Variants in CWH43 observed in about 807,000 individuals in gnomAD.
The protein encoded by CWH43 is cell wall biogenesis 43 C-terminal homolog, also known as PGAP2-interacting protein.
A neutral mutation model predicts 85.7 loss-of-function variants in CWH43; 91 were observed. The ratio of observed to expected loss-of-function variants is 1.06; its 90% CI spans 0.90 to 1.26. The LOEUF (loss-of-function observed/expected upper bound fraction) is 1.26. CWH43 is among the 50% of genes most tolerant of loss of function. The pLI, the probability that CWH43 is intolerant of heterozygous loss-of-function variation, is 0.00. For missense variants in CWH43, 869 were observed against 839.2 expected, an observed-to-expected ratio of 1.04 and a Z score of -0.44; for synonymous variants, 323 against 293.6, an observed-to-expected ratio of 1.10 and a Z score of -1.02.
rs1396649720 is a variant in CWH43, at chr4:49,007,252, A to G, written c.1112A>G (p.Asn371Ser). 6.2e-7 allele frequency: 1 copy of G among 1,611,866 alleles called. No individual in the cohort carries two copies. Among genetic ancestry groups the G allele is most frequent in the East Asian group, 2.2e-5 (1 of 44,744 alleles). The change falls in exon 8 of 16, where the codon AAC (asparagine) becomes AGC (serine). Residue 371 changes from asparagine (N) to serine (S), a missense_variant. Asn to Ser is a conservative substitution (Grantham distance 46). Transcript: ENST00000226432. Reference sequence around the variant, plus strand: ...AATATGCTATTTGGTCCTAAGAAAAACCTTGACTTGCTTCTTCAAACAAAA... The same window carrying G: ...AATATGCTATTTGGTCCTAAGAAAAGCCTTGACTTGCTTCTTCAAACAAAA... Reference protein sequence around the residue: ...GLNMLFGPKKNLDLLLQTKNS... With the variant: ...GLNMLFGPKKSLDLLLQTKNS...
rs1197645970 is a variant in CWH43, at chr4:49,061,970, G to T, written c.*80G>T. On this transcript the variant is annotated 3_prime_UTR_variant, in exon 16 of 16. Coordinates refer to ENST00000226432, the MANE Select transcript of CWH43 (RefSeq NM_025087.3). ...AGATAAAAAGAAGAGATTAATGAAA[G>T]TGGGAAAATACACATGAAGAACCTC... 1 of 1,101,278 alleles carries T rather than the reference G, an allele frequency of 9.1e-7. No homozygotes were observed. Among genetic ancestry groups the T allele is most frequent in the Non-Finnish European group, 1.2e-6 (1 of 843,854 alleles). The allele number at this position is 1,101,278 out of a possible 1,614,324, so 68.2% of individuals were successfully genotyped here.
At chr4:49,010,144 C>T (rs1412045118) in intron 8 of CWH43, among the ~76,000 whole-genome samples, 2 of 152,172 alleles carry the variant, frequency 1.3e-5, no homozygotes, top group Admixed American at 6.5e-5. Context: ...ATTATTGCCT[C>T]AATTTCAGAG....
intron 9 of CWH43, among the ~76,000 whole-genome samples, chr4:49,026,547 C>A (rs1483166220): frequency 6.6e-6 from 1 of 152,160 alleles, no homozygotes; most frequent in Non-Finnish European, 1.5e-5. Flanking sequence ...CCCTCCCACC[C>A]ATCCCTCCAA....
chr4:49,056,390 A>C (rs1376429027), intron 15 of CWH43, among the ~76,000 whole-genome samples: 1 of 152,094 alleles, frequency 6.6e-6, no homozygotes, highest in African/African-American at 2.4e-5. Context: ...TTCATGAGTC[A>C]GTCTTGGTAG....
intron 9 of CWH43, among the ~76,000 whole-genome samples, chr4:49,022,682 C>CT (rs1036926412): frequency 4.0e-5 from 6 of 151,794 alleles, no homozygotes; most frequent in Non-Finnish European, 5.9e-5. Flanking sequence ...TGTTCCTGGA[C>CT]TTTTTTTTGT....
At position 48,992,153 on chromosome 4, in the gene CWH43, C is replaced by A; in HGVS notation, c.511+63C>A. The A allele has an allele frequency of 7.4e-7, 1 of 1,352,402 alleles. No homozygotes were observed. The highest frequency in any genetic ancestry group is 1.0e-6 in the Non-Finnish European group (1 of 971,494). 83.8% of individuals were successfully genotyped at this position (1,352,402 alleles called of 1,614,324 possible). A position where few individuals can be genotyped will look rare whatever the true frequency, so the allele number is the denominator to read the frequency against. On this transcript the variant is annotated intron_variant, in intron 4 of 15. Coordinates refer to ENST00000226432, the MANE Select transcript of CWH43 (RefSeq NM_025087.3). This position sits in a 1 kb window ranked among gnomAD's most constrained non-coding sequence, Gnocchi z 4.3. Reference sequence around the variant, plus strand: ...TTACCTTTCCTATGTGAATGTTGCACATCTTGGAAAGAAAATCTATAAAAG... The same window carrying A: ...TTACCTTTCCTATGTGAATGTTGCAAATCTTGGAAAGAAAATCTATAAAAG...
At chr4:49,030,369 G>T (rs1330742038) in intron 10 of CWH43, among the ~76,000 whole-genome samples, 1 of 151,978 alleles carries the variant, frequency 6.6e-6, no homozygotes, top group Non-Finnish European at 1.5e-5. Flanking sequence ...TTGCCCCTTA[G>T]CCCTTTTTTA....
chr4:49,005,511 G>A (rs957854627), intron 7 of CWH43, among the ~76,000 whole-genome samples: 1 of 151,408 alleles, frequency 6.6e-6, no homozygotes, highest in Non-Finnish European at 1.5e-5. Flanking sequence ...AGTTGTGTGA[G>A]TGCTACTCAG....
intron 15 of CWH43, among the ~76,000 whole-genome samples, chr4:49,054,389 A>G (rs1784890993): frequency 6.6e-6 from 1 of 152,100 alleles, no homozygotes; most frequent in Non-Finnish European, 1.5e-5. Context: ...TGCCAGTACC[A>G]TACTGTTTTA....
intron 13 of CWH43, among the ~76,000 whole-genome samples, chr4:49,038,915 G>A (rs1409362384): frequency 4.6e-5 from 7 of 151,348 alleles, no homozygotes; most frequent in Admixed American, 6.6e-5. Context: ...AAAATTAGCC[G>A]GGCATGGTGG....
chr4:48,987,998 T>A (rs1234089937), intron 1 of CWH43, among the ~76,000 whole-genome samples: 1 of 152,140 alleles, frequency 6.6e-6, no homozygotes, highest in East Asian at 1.9e-4. Flanking sequence ...TCAACTCAGA[T>A]GGTCCAAATG....
intron 8 of CWH43, among the ~76,000 whole-genome samples, chr4:49,009,706 A>T (rs1335543120): frequency 6.6e-6 from 1 of 152,188 alleles, no homozygotes; most frequent in Non-Finnish European, 1.5e-5. Context: ...ATTTTGTCGA[A>T]GGCCTTTTCT....
At chr4:49,004,716 T>C (rs1783100506) in intron 7 of CWH43, among the ~76,000 whole-genome samples, 1 of 152,166 alleles carries the variant, frequency 6.6e-6, no homozygotes, top group African/African-American at 2.4e-5. Flanking sequence ...ACCATATTTG[T>C]AACAAAAAAT....
At position 49,061,893 on chromosome 4, in the gene CWH43, C is replaced by T. The variant is rs773184971; in HGVS notation, c.*3C>T. 1 of 1,348,712 alleles carries T rather than the reference C, an allele frequency of 7.4e-7. No homozygotes were observed. Among genetic ancestry groups the T allele is most frequent in the Non-Finnish European group, 9.8e-7 (1 of 1,017,260 alleles). The allele number at this position is 1,348,712 out of a possible 1,614,324, so 83.5% of individuals were successfully genotyped here. A position where few individuals can be genotyped will look rare whatever the true frequency, so the allele number is the denominator to read the frequency against. On this transcript the variant is annotated 3_prime_UTR_variant, in exon 16 of 16. Transcript: ENST00000226432. ...ATACTCCCAAATACTTTTTATGAAA[C>T]ATTTAAAACAAGAAGTTATTGGCTG... is the stretch of plus-strand genomic sequence containing the variant.
chr4:49,060,011 G>C (rs1382594877), intron 15 of CWH43, among the ~76,000 whole-genome samples: 1 of 152,116 alleles, frequency 6.6e-6, no homozygotes, highest in Admixed American at 6.5e-5. Flanking sequence ...TGTCCTATGG[G>C]CCTGTACTCT....
At chr4:49,039,986 A>G (rs1364212037) in intron 13 of CWH43, among the ~76,000 whole-genome samples, 8 of 152,038 alleles carry the variant, frequency 5.3e-5, no homozygotes, top group Non-Finnish European at 1.2e-4. Flanking sequence ...ATGAGTGAGA[A>G]CATGCGGTGT....
At chr4:49,007,452 T>G (rs188768155) in intron 8 of CWH43, 126 bp downstream of exon 8, 1 of 1,165,622 alleles carries the variant, frequency 8.6e-7, no homozygotes, top group East Asian at 2.9e-5. Flanking sequence ...CATTTTGCCA[T>G]GTTGTTAATA....
chr4:49,008,433 C>G (rs930130933), intron 8 of CWH43, among the ~76,000 whole-genome samples: 2 of 151,696 alleles, frequency 1.3e-5, no homozygotes, highest in African/African-American at 2.4e-5. Flanking sequence ...GTTTCCTGTT[C>G]ACTCTGATGG....
intron 10 of CWH43, among the ~76,000 whole-genome samples, chr4:49,029,650 G>A (rs1054006176): frequency 1.3e-4 from 20 of 152,220 alleles, no homozygotes; most frequent in African/African-American, 4.8e-4. Flanking sequence ...TTATACATTT[G>A]TTCTATTCTG....
Sources: allele counts gnomAD v4.1 joint callset (sites outside exome capture counted in the v4.1 genomes callset), GRCh38; gene constraint gnomAD v4.1.1; non-coding constraint Gnocchi (gnomAD v3.1); transcripts MANE v1.5; gene names NCBI Gene and HGNC (gene_info 2026-07-23, HGNC 2026-07-21).